Variants in CCDC27 observed in about 807,000 individuals in gnomAD.
The protein encoded by CCDC27 is coiled-coil domain containing 27, also known as coiled-coil domain-containing protein 27.
A neutral mutation model predicts 80.3 loss-of-function variants in CCDC27; 80 were observed. That is an observed-to-expected ratio of 1.00 (90% CI 0.83 to 1.20). The LOEUF (loss-of-function observed/expected upper bound fraction) is 1.20. Ranked by LOEUF, CCDC27 falls within the 50% of genes most tolerant of loss-of-function variation. CCDC27 has a pLI of 0.00. For synonymous variants in CCDC27, 342 were observed against 334.3 expected (o/e 1.02, Z -0.25); for missense variants, 815 against 809.4 (o/e 1.01, Z -0.08).
intron 4 of CCDC27, among the ~76,000 whole-genome samples, chr1:3,759,944 G>A (rs916253080): frequency 3.3e-5 from 5 of 152,200 alleles, no homozygotes; most frequent in Admixed American, 1.3e-4. Flanking sequence ...CTGCAGGCTT[G>A]GCTGCCTCCA....
At position 3,761,196 on chromosome 1, in the gene CCDC27, C is replaced by T; in HGVS notation, c.712-85C>T. On this transcript the variant is annotated intron_variant, in intron 4 of 11. Coordinates refer to ENST00000294600, the MANE Select transcript of CCDC27 (RefSeq NM_152492.3). This position sits in a 1 kb window ranked among gnomAD's most constrained non-coding sequence, Gnocchi z 5.0. ...TTGGGGTACCACGACAGCAGATCTG[C>T]TCCTCCTGGGTGGGCTGGAGGCAGG... The T allele has an allele frequency of 1.3e-6, 2 of 1,516,380 alleles. No homozygotes were observed. The highest frequency in any genetic ancestry group is 1.3e-5 in the South Asian group (1 of 79,766). The allele number at this position is 1,516,380 out of a possible 1,614,324, so 93.9% of individuals were successfully genotyped here. A position where few individuals can be genotyped will look rare whatever the true frequency, so the allele number is the denominator to read the frequency against.
At position 3,761,772 on chromosome 1, in the gene CCDC27, G is replaced by A. The variant is rs1258821107; in HGVS notation, c.861+342G>A. Among the ~76,000 whole-genome samples the A allele has an allele frequency of 6.6e-6, 1 of 152,188 alleles. No homozygotes were observed. The highest frequency in any genetic ancestry group is 2.4e-5 in the African/African-American group (1 of 41,434). On this transcript the variant is annotated intron_variant, in intron 5 of 11. Transcript: ENST00000294600. The surrounding 1 kb of genome is among the most constrained non-coding windows in gnomAD (Gnocchi z 5.0). ...GAATGGGGCAAGGCACAACGCTGTC[G>A]GGGCTCAGGGTCCTTATCCATAAAA...
chr1:3,756,678 A>G (rs962858231), intron 3 of CCDC27, 55 bp from the exon 4 acceptor site: 1 of 1,597,030 alleles, frequency 6.3e-7, no homozygotes, highest in Non-Finnish European at 8.6e-7. Flanking sequence ...AAGACGCCAG[A>G]GGAGCTCGGC....
intron 4 of CCDC27, among the ~76,000 whole-genome samples, chr1:3,758,178 A>G (rs932682415): frequency 1.3e-5 from 2 of 151,944 alleles, no homozygotes; most frequent in African/African-American, 4.8e-5. Flanking sequence ...GAGCACTCTT[A>G]TTTTATTAAT....
intron 8 of CCDC27, among the ~76,000 whole-genome samples, chr1:3,764,814 T>A (rs974816866): frequency 6.6e-6 from 1 of 152,144 alleles, no homozygotes; most frequent in Admixed American, 6.6e-5. Context: ...GGCAGGTGGA[T>A]CACCTCAGGT....
Position 3,769,864 on chromosome 1 carries a change from A to G in CCDC27, c.1825A>G (p.Asn609Asp). ...GTCCTTGGCCAACGAGATCTCTGAC[A>G]ATGACATCCTGGAAGCCCTGCAGGT... ...TKSLANEISD[N>D]DILEALQRII... Residue 609 changes from asparagine (N) to aspartate (D), a missense_variant, in exon 11 of 12, where the codon AAT becomes GAT. Transcript: ENST00000294600. This position sits in a 1 kb window ranked among gnomAD's most constrained non-coding sequence, Gnocchi z 4.6. The G allele has an allele frequency of 1.2e-6, 2 of 1,613,838 alleles. No homozygotes were observed. Among genetic ancestry groups the G allele is most frequent in the Non-Finnish European group, 8.5e-7 (1 of 1,179,848 alleles).
Position 3,761,377 on chromosome 1 carries a change from A to G in CCDC27, c.808A>G (p.Lys270Glu). Residue 270 changes from lysine (K) to glutamate (E), a missense_variant, in exon 5 of 12, where the codon AAA (lysine) becomes GAA (glutamate). Transcript: ENST00000294600. The surrounding 1 kb of genome is among the most constrained non-coding windows in gnomAD (Gnocchi z 5.0). ...GAGGGAGGCCCTGAAGATGCAGCTG[A>G]AATGCCTTCTGAAAGGCAAAGGCCA... is the stretch of plus-strand genomic sequence containing the variant. ...EEREALKMQL[K>E]CLLKGKGQET... 1 of 1,614,144 alleles carries G rather than the reference A, an allele frequency of 6.2e-7. No homozygotes were observed.
At chr1:3,757,151 A>G in intron 4 of CCDC27, 1 of 338,164 alleles carries the variant, frequency 3.0e-6, no homozygotes, top group East Asian at 5.3e-5. Flanking sequence ...CCGTCCACAC[A>G]TCTTTGCACC....
At chr1:3,752,907 C>G in intron 1 of CCDC27, 108 bp downstream of exon 1, 1 of 1,252,130 alleles carries the variant, frequency 8.0e-7, no homozygotes, top group Non-Finnish European at 1.1e-6. Flanking sequence ...CACAGGCCTT[C>G]TGGTGATGGG....
rs563090857 is a variant in CCDC27 at position 3,763,842 on chromosome 1, C to T, written c.1452+6C>T. 706 of 1,613,786 alleles carry T rather than the reference C, an allele frequency of 4.4e-4. 4 individuals are homozygous for T. Among genetic ancestry groups the T allele is most frequent in the South Asian group, 3.4e-3 (305 of 91,014 alleles). On this transcript the variant is annotated splice_donor_region_variant and intron_variant, in intron 8 of 11. Coordinates refer to ENST00000294600, the MANE Select transcript of CCDC27 (RefSeq NM_152492.3). The surrounding 1 kb of genome is among the most constrained non-coding windows in gnomAD (Gnocchi z 7.5). ...TACAAGCCATGACCGACAAGGTGGC[C>T]GTGCGCTCAGTACCGGCCTCCGCTC... is the stretch of plus-strand genomic sequence containing the variant.
At chr1:3,756,685 C>T (rs1027780216) in intron 3 of CCDC27, 48 bp from the exon 4 acceptor site, 9 of 1,603,320 alleles carry the variant, frequency 5.6e-6, no homozygotes, top group African/African-American at 5.4e-5. Flanking sequence ...CAGAGGAGCT[C>T]GGCAGGGAAG....
rs533989435 is a variant in CCDC27, at chr1:3,760,988, G to A, written c.712-293G>A. 1.3e-5 allele frequency among the ~76,000 whole-genome samples: 2 copies of A among 152,300 alleles called. No homozygotes were observed. Among genetic ancestry groups the A allele is most frequent in the East Asian group, 3.9e-4 (2 of 5,174 alleles). Reference sequence around the variant, plus strand: ...CAGGGACACACCACGGGCCAGGTCCGAAAGGGAAGCTGCCTTGCAACTCCT... The same window carrying A: ...CAGGGACACACCACGGGCCAGGTCCAAAAGGGAAGCTGCCTTGCAACTCCT... On this transcript the variant is annotated intron_variant, in intron 4 of 11. Coordinates refer to ENST00000294600, the MANE Select transcript of CCDC27 (RefSeq NM_152492.3). The surrounding 1 kb of genome is among the most constrained non-coding windows in gnomAD (Gnocchi z 4.3).
rs1643362780 is a variant in CCDC27 at position 3,771,480 on chromosome 1, A to C, written c.1928A>C (p.Glu643Ala). Residue 643 changes from glutamate (E) to alanine (A), a missense_variant, in exon 12 of 12, where the codon GAG becomes GCG. Coordinates refer to ENST00000294600, the MANE Select transcript of CCDC27 (RefSeq NM_152492.3). The stretch of plus-strand genomic sequence containing the variant: ...AAAGTGCCCCCCCTGCAACAGTCAG[A>C]GGCCTTCCTGACCAGCAAATCCAAG... Reference protein sequence around the residue: ...GVKVPPLQQSEAFLTSKSKKG... With the variant: ...GVKVPPLQQSAAFLTSKSKKG... 5.0e-6 allele frequency: 8 copies of C among 1,613,986 alleles called. No individual in the cohort carries two copies. Among genetic ancestry groups the C allele is most frequent in the Non-Finnish European group, 6.8e-6 (8 of 1,179,968 alleles).
rs144454217 is a variant in CCDC27 at position 3,769,212 on chromosome 1, G to A, written c.1744-571G>A. 3.3e-5 allele frequency among the ~76,000 whole-genome samples: 5 copies of A among 152,300 alleles called. No homozygotes were observed. Among genetic ancestry groups the A allele is most frequent in the Non-Finnish European group, 7.4e-5 (5 of 68,016 alleles). ...TACCTCTGGGGAGGCGGCTGCGGGT[G>A]TACAGGCAGACAAGGATCTTCATGG... On this transcript the variant is annotated intron_variant, in intron 10 of 11. Coordinates refer to ENST00000294600, the MANE Select transcript of CCDC27 (RefSeq NM_152492.3). The surrounding 1 kb of genome is among the most constrained non-coding windows in gnomAD (Gnocchi z 4.6).
intron 4 of CCDC27, 116 bp downstream of exon 4, chr1:3,757,006 G>A (rs1642974657): frequency 2.3e-6 from 3 of 1,278,528 alleles, no homozygotes; most frequent in African/African-American, 1.5e-5. Context: ...GCTGCATCAA[G>A]CAGGTCCCCA....
Position 3,766,717 on chromosome 1 carries a change from C to A in CCDC27, c.1530+105C>A. ...GGGCTGGAGCGTCTTCACAGCTGAG[C>A]CAGGACCCCTTCGGTAGCATGCCAC... is the stretch of plus-strand genomic sequence containing the variant. On this transcript the variant is annotated intron_variant, in intron 9 of 11. Transcript: ENST00000294600. This position sits in a 1 kb window ranked among gnomAD's most constrained non-coding sequence, Gnocchi z 6.1. The A allele has an allele frequency of 1.2e-6, 1 of 861,508 alleles. No individual in the cohort carries two copies. The highest frequency in any genetic ancestry group is 1.8e-6 in the Non-Finnish European group (1 of 542,434). The allele number at this position is 861,508 out of a possible 1,614,324, so 53.4% of individuals were successfully genotyped here. A position where few individuals can be genotyped will look rare whatever the true frequency, so the allele number is the denominator to read the frequency against.
chr1:3,763,003 C>T lies in CCDC27; in HGVS notation c.955-105C>T. 7.4e-7 allele frequency: 1 copy of T among 1,356,212 alleles called. No individual in the cohort carries two copies. 84.0% of individuals were successfully genotyped at this position (1,356,212 alleles called of 1,614,324 possible). ...CCCACTCCCTGGACCCTGCAGCAGCCTGGAAGGAGGCGCCCTCCCCGGTGC... is the reference window on the plus strand; with the variant it reads ...CCCACTCCCTGGACCCTGCAGCAGCTTGGAAGGAGGCGCCCTCCCCGGTGC... On this transcript the variant is annotated intron_variant, in intron 6 of 11. Coordinates refer to ENST00000294600, the MANE Select transcript of CCDC27 (RefSeq NM_152492.3). This position sits in a 1 kb window ranked among gnomAD's most constrained non-coding sequence, Gnocchi z 7.5.
Position 3,769,668 on chromosome 1 carries a change from G to C in CCDC27, c.1744-115G>C. On this transcript the variant is annotated intron_variant, in intron 10 of 11. Transcript: ENST00000294600. This position sits in a 1 kb window ranked among gnomAD's most constrained non-coding sequence, Gnocchi z 4.6. ...TCCAGTTTCTAAAGCCATGAAAAGT[G>C]AGGGTGAGCTGTTCCTTCCTGGTAC... is the stretch of plus-strand genomic sequence containing the variant. 1 of 727,248 alleles carries C rather than the reference G, an allele frequency of 1.4e-6. No individual in the cohort carries two copies. The highest frequency in any genetic ancestry group is 2.5e-5 in the East Asian group (1 of 39,696). The allele number at this position is 727,248 out of a possible 1,614,324, so 45.0% of individuals were successfully genotyped here. A position where few individuals can be genotyped will look rare whatever the true frequency, so the allele number is the denominator to read the frequency against.
intron 9 of CCDC27, 132 bp from the exon 10 acceptor site, chr1:3,767,101 A>C: frequency 2.7e-6 from 2 of 737,480 alleles, no homozygotes; most frequent in Non-Finnish European, 4.6e-6. Context: ...AGCTTCCCAA[A>C]GTGCTGGGAT....
Sources: gnomAD v4.1 joint callset for allele counts (sites outside exome capture counted in the v4.1 genomes callset) on GRCh38, gnomAD v4.1.1 for gene constraint, Gnocchi (gnomAD v3.1) non-coding constraint, MANE v1.5 for transcripts, NCBI Gene and HGNC (gene_info 2026-07-23, HGNC 2026-07-21) for gene names.